Variants in UBE2D3 observed in about 807,000 individuals in gnomAD.
UBE2D3 encodes ubiquitin conjugating enzyme E2 D3.
UBE2D3 carries 2 observed loss-of-function variants against 22.8 expected under a neutral mutation model. That is an observed-to-expected ratio of 0.09 (90% CI 0.04 to 0.28). The LOEUF is 0.28. UBE2D3 is among the 10% of genes least tolerant of loss of function. The pLI, the probability that UBE2D3 is intolerant of heterozygous loss-of-function variation, is 1.00. For missense variants in UBE2D3, 27 were observed against 182.5 expected (o/e 0.15, Z 4.91); for synonymous variants, 56 against 60.4 (o/e 0.93, Z 0.34).
At chr4:102,824,061 G>C (rs1258032603) in intron 2 of UBE2D3, among the ~76,000 whole-genome samples, 1 of 152,160 alleles carries the variant, frequency 6.6e-6, no homozygotes, top group East Asian at 1.9e-4. Flanking sequence ...GTTGGATGTG[G>C]AATGTTTGAA....
At chr4:102,851,506 G>A (rs1732346893) in intron 1 of UBE2D3, among the ~76,000 whole-genome samples, 1 of 152,202 alleles carries the variant, frequency 6.6e-6, no homozygotes, top group Admixed American at 6.5e-5. Context: ...GAATGCATGT[G>A]TAATGCAGAA....
At chr4:102,827,310 C>T (rs1452727941) in intron 1 of UBE2D3, 117 bp downstream of exon 1, 2 of 960,734 alleles carry the variant, frequency 2.1e-6, no homozygotes, top group Non-Finnish European at 2.5e-6. Context: ...CACCCTAACC[C>T]ACCGCACCCA....
chr4:102,826,578 T>G lies in UBE2D3; in HGVS notation c.-70A>C. 3 of 1,605,756 alleles carry G rather than the reference T, an allele frequency of 1.9e-6. No individual in the cohort carries two copies. Among genetic ancestry groups the G allele is most frequent in the Non-Finnish European group, 2.5e-6 (3 of 1,179,144 alleles). ...CAAAGGTCCGGCCAAAACTCTTGAT[T>G]ATCCCGGCGGCGGGGCAGGATTGTC... On this transcript the variant is annotated 5_prime_UTR_variant, in exon 2 of 8. Transcript: ENST00000453744.
intron 4 of UBE2D3, among the ~76,000 whole-genome samples, chr4:102,808,212 C>A (rs745473184): frequency 1.9e-4 from 29 of 152,196 alleles, no homozygotes; most frequent in Non-Finnish European, 1.5e-4. Context: ...AGCTGTCATT[C>A]CATCCCAAGC....
chr4:102,817,666 C>T (rs1017509893), intron 2 of UBE2D3, among the ~76,000 whole-genome samples: 24 of 152,234 alleles, frequency 1.6e-4, no homozygotes, highest in Admixed American at 1.4e-3. Flanking sequence ...AGAATGAACA[C>T]GATATGGAAA....
At chr4:102,802,684 C>G (rs1006200792) in intron 4 of UBE2D3, 46 bp from the exon 5 acceptor site, 3 of 1,417,736 alleles carry the variant, frequency 2.1e-6, no homozygotes, top group South Asian at 1.3e-5. Flanking sequence ...AATATTATTG[C>G]TAAATATTCC....
chr4:102,833,313 A>G (rs1018631889), intron 1 of UBE2D3, among the ~76,000 whole-genome samples: 1 of 152,114 alleles, frequency 6.6e-6, no homozygotes, highest in African/African-American at 2.4e-5. Context: ...TCATTCTTTG[A>G]CTGATATCAT....
At chr4:102,819,462 A>G (rs965066351) in intron 2 of UBE2D3, 2 of 572,372 alleles carry the variant, frequency 3.5e-6, no homozygotes, top group South Asian at 7.6e-5. Flanking sequence ...CAGGAGCCCA[A>G]TAAGTATCTG....
chr4:102,809,155 CT>C, intron 4 of UBE2D3: 1 of 326,238 alleles, frequency 3.1e-6, no homozygotes, highest in Non-Finnish European at 6.7e-6. Flanking sequence ...CATATAGTTG[CT>C]TATCTACCCA....
At chr4:102,841,952 A>G (rs1438733540) in intron 1 of UBE2D3, among the ~76,000 whole-genome samples, 1 of 152,200 alleles carries the variant, frequency 6.6e-6, no homozygotes, top group Non-Finnish European at 1.5e-5. Context: ...ATAATGTAGC[A>G]CAATAAAGAA....
chr4:102,837,128 G>A (rs1731454510), intron 1 of UBE2D3: 1 of 152,166 alleles, frequency 6.6e-6, no homozygotes, highest in Non-Finnish European at 1.5e-5. Flanking sequence ...TTAGCTAGCA[G>A]AACCACCTCA....
intron 1 of UBE2D3, among the ~76,000 whole-genome samples, chr4:102,847,103 A>G (rs1489859818): frequency 2.0e-5 from 3 of 152,102 alleles, no homozygotes; most frequent in Non-Finnish European, 4.4e-5. Flanking sequence ...TCTCTGCTCA[A>G]ATGTCCCTAT....
At chr4:102,799,329 T>A in intron 7 of UBE2D3, 78 bp downstream of exon 7, 1 of 1,099,974 alleles carries the variant, frequency 9.1e-7, no homozygotes, top group Non-Finnish European at 1.3e-6. Context: ...TCAAGTCTTC[T>A]TGGCACTGTC....
intron 2 of UBE2D3, among the ~76,000 whole-genome samples, chr4:102,813,508 T>C (rs576585055): frequency 3.3e-5 from 5 of 152,176 alleles, no homozygotes; most frequent in Non-Finnish European, 7.3e-5. Context: ...CAGGTGAAGC[T>C]TGTGGGCAGA....
At chr4:102,813,136 G>C (rs1728290336) in intron 2 of UBE2D3, among the ~76,000 whole-genome samples, 1 of 152,064 alleles carries the variant, frequency 6.6e-6, no homozygotes, top group Admixed American at 6.5e-5. Flanking sequence ...ATGAAGTTTT[G>C]ATTAAAGTTG....
At chr4:102,860,277 C>T (rs1246352183) in intron 1 of UBE2D3, among the ~76,000 whole-genome samples, 1 of 151,596 alleles carries the variant, frequency 6.6e-6, no homozygotes, top group Non-Finnish European at 1.5e-5. Context: ...TTATAGGTCT[C>T]TGTTTCTTTG....
intron 1 of UBE2D3, among the ~76,000 whole-genome samples, chr4:102,846,326 A>G (rs1732040067): frequency 6.6e-6 from 1 of 152,186 alleles, no homozygotes; most frequent in South Asian, 2.1e-4. Flanking sequence ...CTCCTCTACA[A>G]TATGCCCAGG....
At chr4:102,868,593 C>T in intron 1 of UBE2D3, 1 of 1,276,456 alleles carries the variant, frequency 7.8e-7, no homozygotes, top group Non-Finnish European at 1.1e-6. Flanking sequence ...AAATTAGGCA[C>T]TGGGGTCTGG....
chr4:102,807,505 TTTC>T (rs1727251729), intron 4 of UBE2D3, among the ~76,000 whole-genome samples: 1 of 152,168 alleles, frequency 6.6e-6, no homozygotes, highest in Non-Finnish European at 1.5e-5. Flanking sequence ...TGAAAACATA[TTTC>T]AGTGAGTACT....
Sources: gnomAD v4.1 joint callset for allele counts (sites outside exome capture counted in the v4.1 genomes callset) on GRCh38, gnomAD v4.1.1 for gene constraint, MANE v1.5 for transcripts, NCBI Gene and HGNC (gene_info 2026-07-23, HGNC 2026-07-21) for gene names.